The following NRG1 variants were observed in gnomAD, a reference collection of about 807,000 sequenced individuals.
NRG1 encodes neuregulin 1.
Under a neutral mutation model 63.8 loss-of-function variants are expected in NRG1, and 18 were observed. The observed-to-expected ratio is 0.28, with a 90% CI of 0.19 to 0.42. The LOEUF (loss-of-function observed/expected upper bound fraction) is 0.42. Ranked by LOEUF, NRG1 falls within the 10% of genes least tolerant of loss-of-function variation. The pLI, the probability that NRG1 is intolerant of heterozygous loss-of-function variation, is 1.00. For synonymous variants in NRG1, 302 were observed against 301.3 expected (o/e 1.00, Z -0.02); for missense variants, 762 against 814.7 (o/e 0.94, Z 0.79).
At chr8:32,043,142 T>G (rs1360283634) in intron 1 of NRG1, among the ~76,000 whole-genome samples, 1 of 151,814 alleles carries the variant, frequency 6.6e-6, no homozygotes, top group Non-Finnish European at 1.5e-5. Context: ...AAAGACATCA[T>G]AATGAAACTG....
At chr8:32,258,412 A>G (rs1849983938) in intron 1 of NRG1, among the ~76,000 whole-genome samples, 1 of 152,208 alleles carries the variant, frequency 6.6e-6, no homozygotes. Context: ...CAACACTGTA[A>G]GTACTGTTAT....
chr8:32,691,977 T>C (rs548984902), intron 5 of NRG1, among the ~76,000 whole-genome samples: 39 of 152,346 alleles, frequency 2.6e-4, no homozygotes, highest in Admixed American at 1.4e-3. Context: ...AATACCTTTA[T>C]TGAACATCCA....
At chr8:31,932,550 A>G (rs1334079654) in intron 1 of NRG1, among the ~76,000 whole-genome samples, 1 of 152,248 alleles carries the variant, frequency 6.6e-6, no homozygotes, top group African/African-American at 2.4e-5. Flanking sequence ...AAAAGTCGTC[A>G]GGAGTGACAT....
At chr8:31,758,509 T>C (rs1817210778) in intron 1 of NRG1, among the ~76,000 whole-genome samples, 1 of 152,126 alleles carries the variant, frequency 6.6e-6, no homozygotes, top group Non-Finnish European at 1.5e-5. Flanking sequence ...CTGTGGCACA[T>C]ACACACCATG....
At chr8:32,726,333 T>G (rs998557545) in intron 5 of NRG1, among the ~76,000 whole-genome samples, 3 of 152,118 alleles carry the variant, frequency 2.0e-5, no homozygotes, top group Non-Finnish European at 2.9e-5. Flanking sequence ...AATTTTTTTT[T>G]GCCAATTCCT....
exon 10 of NRG1, chr8:32,759,383 C>T (rs1830271943): frequency 6.2e-7 from 1 of 1,613,850 alleles, no homozygotes; most frequent in Non-Finnish European, 8.5e-7. Context: ...CCACCAGTCA[C>T]TATACTTCCA....
intron 5 of NRG1, among the ~76,000 whole-genome samples, chr8:32,630,471 G>A (rs960149273): frequency 6.6e-6 from 1 of 152,148 alleles, no homozygotes; most frequent in African/African-American, 2.4e-5. Context: ...TGACATTGTA[G>A]ATAAAAGGTA....
intron 2 of NRG1, 113 bp from the exon 3 acceptor site, chr8:32,605,449 G>T: frequency 8.5e-7 from 1 of 1,182,352 alleles, no homozygotes; most frequent in Non-Finnish European, 1.2e-6. Flanking sequence ...TTTAACATAT[G>T]TATAAGGTGG....
intron 1 of NRG1, among the ~76,000 whole-genome samples, chr8:32,126,832 A>G (rs897672623): frequency 1.3e-5 from 2 of 151,886 alleles, no homozygotes; most frequent in African/African-American, 2.4e-5. Flanking sequence ...TTAGCTGTGC[A>G]TTGCCAGCTT....
At chr8:32,118,100 G>A (rs1330792853) in intron 1 of NRG1, among the ~76,000 whole-genome samples, 1 of 151,978 alleles carries the variant, frequency 6.6e-6, no homozygotes, top group Non-Finnish European at 1.5e-5. Context: ...AGAAATACTA[G>A]CCTTATGAAA....
chr8:32,623,915 T>C (rs902493486), intron 5 of NRG1, among the ~76,000 whole-genome samples: 4 of 152,214 alleles, frequency 2.6e-5, no homozygotes, highest in Non-Finnish European at 4.4e-5. Context: ...ATTAACGCTT[T>C]ACAGAATTAT....
At chr8:31,666,515 A>G (rs894830392) in intron 1 of NRG1, among the ~76,000 whole-genome samples, 1 of 152,220 alleles carries the variant, frequency 6.6e-6, no homozygotes, top group Non-Finnish European at 1.5e-5. Flanking sequence ...CTCACTTTTT[A>G]TTCTGAAGAA....
In NRG1 at chr8:31,640,777, A is replaced by G. The variant is rs1342014856; in HGVS notation, c.37+1346A>G. 1 of 1,449,266 alleles carries G rather than the reference A, an allele frequency of 6.9e-7. No homozygotes were observed. 89.8% of individuals were successfully genotyped at this position (1,449,266 alleles called of 1,614,324 possible). A position where few individuals can be genotyped will look rare whatever the true frequency, so the allele number is the denominator to read the frequency against. ...CGCGAACCCGCGGCGAGGAGGGCGCATCCCGGGCGCGCGGGCAGCGGGGCT... is the reference window on the plus strand; with the variant it reads ...CGCGAACCCGCGGCGAGGAGGGCGCGTCCCGGGCGCGCGGGCAGCGGGGCT... On this transcript the variant is annotated intron_variant, in intron 1 of 10. Transcript: ENST00000519301. This position sits in a 1 kb window ranked among gnomAD's most constrained non-coding sequence, Gnocchi z 6.3.
chr8:31,669,630 T>C (rs997988965), intron 1 of NRG1, among the ~76,000 whole-genome samples: 2 of 152,218 alleles, frequency 1.3e-5, no homozygotes, highest in African/African-American at 2.4e-5. Flanking sequence ...CAGTCTCCCA[T>C]GTGGACAGTC....
intron 1 of NRG1, among the ~76,000 whole-genome samples, chr8:31,989,211 T>A (rs761838663): frequency 7.5e-6 from 1 of 133,040 alleles, no homozygotes; most frequent in East Asian, 2.5e-4. Context: ...TTACTGTTGA[T>A]TACTGTTACA....
chr8:32,616,867 G>A lies in NRG1; in HGVS notation c.484G>A (p.Gly162Arg), dbSNP rs1847466927. 3.7e-6 allele frequency: 6 copies of A among 1,600,238 alleles called. No individual in the cohort carries two copies. The African/African-American group carries it at 6.7e-5, about 18-fold the overall frequency. The change falls in exon 5 of 12, where the codon GGA (glycine) becomes AGA (arginine). Residue 162 changes from glycine (G) to arginine (R), a missense_variant. Transcript: ENST00000356819. Reference sequence around the variant, plus strand: ...CATTAGAATATCAGTATCCACAGAAGGAGCAAATACTTCTTCATGTAAGTA... The same window carrying A: ...CATTAGAATATCAGTATCCACAGAAAGAGCAAATACTTCTTCATGTAAGTA...
rs535636357 is a variant in NRG1 at position 32,715,566 on chromosome 8, A to G, written c.503-12383A>G. ...GAAACCAAGAAAAGTCTCTCTTTCA[A>G]TAAAAGTTTTCCATATTTCAAAAAT... On this transcript the variant is annotated intron_variant, in intron 5 of 11. Coordinates refer to ENST00000356819, the Ensembl canonical transcript of NRG1. 2.0e-5 allele frequency among the ~76,000 whole-genome samples: 3 copies of G among 152,334 alleles called. 1 individual carries two copies. In the East Asian group the frequency reaches 5.8e-4, roughly 29 times the overall value.
At chr8:31,806,851 C>G (rs889019729) in intron 1 of NRG1, among the ~76,000 whole-genome samples, 3 of 152,024 alleles carry the variant, frequency 2.0e-5, no homozygotes, top group Admixed American at 6.5e-5. Context: ...TGTAAAGATG[C>G]CTGTCATCAA....
At chr8:31,833,421 C>A (rs1167824753) in intron 1 of NRG1, among the ~76,000 whole-genome samples, 1 of 152,134 alleles carries the variant, frequency 6.6e-6, no homozygotes, top group Non-Finnish European at 1.5e-5. Flanking sequence ...AGAGTTCTTA[C>A]CCCGGAGTGA....
Sources: gnomAD v4.1 joint callset for allele counts (sites outside exome capture counted in the v4.1 genomes callset) on GRCh38, gnomAD v4.1.1 for gene constraint, Gnocchi (gnomAD v3.1) non-coding constraint, MANE v1.5 for transcripts, NCBI Gene and HGNC (gene_info 2026-07-23, HGNC 2026-07-21) for gene names.